STAU2: variants seen among roughly 807,000 people sequenced by gnomAD.
STAU2 encodes double-stranded RNA-binding protein Staufen homolog 2.
In STAU2, 20 loss-of-function variants were observed where a neutral mutation model predicts 65.9. The ratio of observed to expected loss-of-function variants is 0.30; its 90% CI spans 0.21 to 0.44. STAU2 has a LOEUF of 0.44. STAU2 is among the 20% of genes least tolerant of loss of function. The probability of loss-of-function intolerance (pLI) is 1.00; values close to 1 mark genes in which losing one functional copy is unlikely to be tolerated. For missense variants in STAU2, 558 were observed against 683.9 expected (o/e 0.82, Z 2.05); for synonymous variants, 232 against 233.9 (o/e 0.99, Z 0.07).
At chr8:73,480,884 T>C (rs1676538660) in intron 13 of STAU2, among the ~76,000 whole-genome samples, 1 of 152,160 alleles carries the variant, frequency 6.6e-6, no homozygotes, top group Non-Finnish European at 1.5e-5. Flanking sequence ...AGAAATTCAA[T>C]GTGATACTAA....
chr8:73,616,411 C>A (rs539944125), intron 7 of STAU2, among the ~76,000 whole-genome samples: 128 of 152,004 alleles, frequency 8.4e-4, no homozygotes, highest in Non-Finnish European at 1.2e-3. Context: ...AGAAAAACAC[C>A]TAAGTCTGCC....
chr8:73,642,570 C>T (rs972236327), intron 6 of STAU2, among the ~76,000 whole-genome samples: 2 of 152,096 alleles, frequency 1.3e-5, no homozygotes, highest in African/African-American at 2.4e-5. Context: ...AAAATGAAGA[C>T]CAAATTTCGT....
At chr8:73,442,851 G>A (rs192650640) in intron 13 of STAU2, among the ~76,000 whole-genome samples, 68 of 152,254 alleles carry the variant, frequency 4.5e-4, no homozygotes, top group Non-Finnish European at 6.8e-4. Context: ...TTTTGCCTGA[G>A]GGTACATTCC....
At chr8:73,538,578 T>C (rs1168851797) in intron 13 of STAU2, among the ~76,000 whole-genome samples, 1 of 150,650 alleles carries the variant, frequency 6.6e-6, no homozygotes. Flanking sequence ...GGAAAAAGGG[T>C]ACAGAAAAAA....
chr8:73,498,774 C>G (rs949288067), intron 13 of STAU2, among the ~76,000 whole-genome samples: 1 of 151,744 alleles, frequency 6.6e-6, no homozygotes, highest in African/African-American at 2.4e-5. Flanking sequence ...AAAGCTGTAT[C>G]CATATGTTTT....
chr8:73,688,515 T>TAG, intron 5 of STAU2, 139 bp downstream of exon 5: 1 of 741,792 alleles, frequency 1.3e-6, no homozygotes, highest in Non-Finnish European at 2.2e-6. Context: ...TGTGTGTGTG[T>TAG]GTGTGTGTGT....
chr8:73,619,976 A>T (rs1813107357), intron 6 of STAU2, among the ~76,000 whole-genome samples: 1 of 152,214 alleles, frequency 6.6e-6, no homozygotes, highest in South Asian at 2.1e-4. Context: ...ATTATAAACA[A>T]AGATTAAAAA....
At chr8:73,547,948 T>C (rs1807054597) in intron 13 of STAU2, among the ~76,000 whole-genome samples, 1 of 152,142 alleles carries the variant, frequency 6.6e-6, no homozygotes, top group Non-Finnish European at 1.5e-5. Flanking sequence ...ATAACCATTA[T>C]TTATATAGCA....
At chr8:73,482,186 C>CA (rs34881550) in intron 13 of STAU2, among the ~76,000 whole-genome samples, 117,162 of 151,488 alleles carry the variant, frequency 0.77, 45,774 homozygotes, top group East Asian at 0.95. Flanking sequence ...ACAGGTAGAG[C>CA]ACTGGCCTGT....
Position 73,421,255 on chromosome 8 carries a change from G to A in STAU2, c.*117C>T. On this transcript the variant is annotated 3_prime_UTR_variant, in exon 15 of 15. Transcript: ENST00000524300. The stretch of plus-strand genomic sequence containing the variant: ...TTATCTCTCGTGTTAGAATAGTGTT[G>A]TCTTCACATAAGACTCAAATAATGG... The A allele has an allele frequency of 1.2e-6, 1 of 825,320 alleles. No homozygotes were observed. The highest frequency in any genetic ancestry group is 2.2e-5 in the Admixed American group (1 of 45,462). The allele number at this position is 825,320 out of a possible 1,614,324, so 51.1% of individuals were successfully genotyped here.
chr8:73,500,697 G>A (rs573491166), intron 13 of STAU2, among the ~76,000 whole-genome samples: 1 of 151,870 alleles, frequency 6.6e-6, no homozygotes, highest in Admixed American at 6.6e-5. Flanking sequence ...AAATTGCACA[G>A]TATATTTTAA....
intron 10 of STAU2, among the ~76,000 whole-genome samples, chr8:73,598,309 C>G (rs113478231): frequency 0.029 from 4,250 of 148,892 alleles, 171 homozygotes; most frequent in African/African-American, 0.096. Context: ...CTCACTGCAA[C>G]CTCCACCTTC....
chr8:73,612,486 G>T (rs1812549179), intron 9 of STAU2, among the ~76,000 whole-genome samples: 1 of 152,140 alleles, frequency 6.6e-6, no homozygotes, highest in Non-Finnish European at 1.5e-5. Flanking sequence ...GCATATGAAT[G>T]AAAGTGCCAG....
intron 3 of STAU2, among the ~76,000 whole-genome samples, chr8:73,715,696 C>G (rs560002900): frequency 6.6e-6 from 1 of 151,966 alleles, no homozygotes; most frequent in Non-Finnish European, 1.5e-5. Flanking sequence ...AGGATTCATA[C>G]TACAGGAAGA....
intron 6 of STAU2, among the ~76,000 whole-genome samples, chr8:73,638,880 T>C (rs1169694415): frequency 1.3e-5 from 2 of 151,834 alleles, no homozygotes; most frequent in African/African-American, 4.8e-5. Flanking sequence ...TTTAAAAAAA[T>C]GTGTTTTTTA....
At chr8:73,484,854 C>T (rs1349515169) in intron 13 of STAU2, among the ~76,000 whole-genome samples, 3 of 152,108 alleles carry the variant, frequency 2.0e-5, no homozygotes, top group African/African-American at 7.2e-5. Context: ...ACAAAGGTTT[C>T]TCTAATAAAA....
intron 6 of STAU2, among the ~76,000 whole-genome samples, chr8:73,643,891 T>A (rs1210207032): frequency 6.6e-6 from 1 of 152,232 alleles, no homozygotes; most frequent in Non-Finnish European, 1.5e-5. Flanking sequence ...GCATAGTATA[T>A]AATTTGCATA....
intron 6 of STAU2, among the ~76,000 whole-genome samples, chr8:73,624,035 C>T (rs1813461650): frequency 6.6e-6 from 1 of 151,818 alleles, no homozygotes; most frequent in Non-Finnish European, 1.5e-5. Flanking sequence ...GAAAGATATG[C>T]ACTAAAAGCT....
chr8:73,521,959 G>T (rs1234934363), intron 13 of STAU2, among the ~76,000 whole-genome samples: 1 of 152,306 alleles, frequency 6.6e-6, no homozygotes, highest in Middle Eastern at 3.4e-3. Context: ...GCTAGTTAAT[G>T]CTTGGTTAGG....
Sources: allele counts gnomAD v4.1 joint callset (sites outside exome capture counted in the v4.1 genomes callset), GRCh38; gene constraint gnomAD v4.1.1; transcripts MANE v1.5; gene names NCBI Gene and HGNC (gene_info 2026-07-23, HGNC 2026-07-21).